Variants in ENTREP2 observed in about 807,000 individuals in gnomAD.
ENTREP2 encodes the protein protein ENTREP2.
chr15:29,199,217 C>T, the ENTREP2 span, among the ~76,000 whole-genome samples: 1 of 152,106 alleles, frequency 6.6e-6, no homozygotes, highest in South Asian at 2.1e-4. Context: ...CAGCACTGTT[C>T]GAGGGTCCCC....
chr15:29,431,776 A>G, the ENTREP2 span, among the ~76,000 whole-genome samples: 1 of 152,190 alleles, frequency 6.6e-6, no homozygotes, highest in African/African-American at 2.4e-5. Flanking sequence ...CAAAATTTAA[A>G]TAACAGTTTT....
the ENTREP2 span, among the ~76,000 whole-genome samples, chr15:29,666,824 A>G: frequency 1.3e-5 from 2 of 152,238 alleles, no homozygotes; most frequent in Admixed American, 1.3e-4. Flanking sequence ...AGTCTCTCAC[A>G]GTTCCAGAGC....
At chr15:29,128,969 TGA>T in the ENTREP2 span, 1 of 685,890 alleles carries the variant, frequency 1.5e-6, no homozygotes. Context: ...TGGGAAGCGC[TGA>T]GAGACGTTCA....
At chr15:29,164,832 A>T in the ENTREP2 span, among the ~76,000 whole-genome samples, 433 of 152,332 alleles carry the variant, frequency 2.8e-3, no homozygotes, top group Non-Finnish European at 3.8e-3. Flanking sequence ...AAATGGACTT[A>T]AAAGATATAT....
chr15:29,651,687 C>T, the ENTREP2 span, among the ~76,000 whole-genome samples: 1 of 152,232 alleles, frequency 6.6e-6, no homozygotes, highest in Non-Finnish European at 1.5e-5. Context: ...CAAGCCCAGG[C>T]ACTGTCACAG....
chr15:29,255,957 C>T, the ENTREP2 span, among the ~76,000 whole-genome samples: 7 of 148,134 alleles, frequency 4.7e-5, no homozygotes, highest in Non-Finnish European at 8.9e-5. Flanking sequence ...GCCAAGATCA[C>T]GCTACTGCAC....
chr15:29,177,748 C>T, the ENTREP2 span, among the ~76,000 whole-genome samples: 2 of 151,992 alleles, frequency 1.3e-5, no homozygotes, highest in Non-Finnish European at 2.9e-5. Context: ...CAGGCGGCAC[C>T]GGGCAGTGAG....
the ENTREP2 span, among the ~76,000 whole-genome samples, chr15:29,650,989 C>G: frequency 6.6e-6 from 1 of 152,172 alleles, no homozygotes; most frequent in Non-Finnish European, 1.5e-5. Context: ...GCATGCCAGC[C>G]TGGGCAACAG....
chr15:29,655,923 G>A, the ENTREP2 span, among the ~76,000 whole-genome samples: 2 of 151,322 alleles, frequency 1.3e-5, no homozygotes, highest in African/African-American at 4.9e-5. Flanking sequence ...TACTCAGGAT[G>A]CTGAGGCATG....
chr15:29,513,703 C>G, the ENTREP2 span, among the ~76,000 whole-genome samples: 2 of 152,156 alleles, frequency 1.3e-5, no homozygotes. Flanking sequence ...ACTCTCTGTC[C>G]CTATTCCACA....
chr15:29,226,013 C>G, the ENTREP2 span, among the ~76,000 whole-genome samples: 7 of 152,198 alleles, frequency 4.6e-5, no homozygotes, highest in African/African-American at 1.7e-4. Flanking sequence ...CACAGCCCCC[C>G]ACGTCTTTCT....
At chr15:29,577,919 G>A in the ENTREP2 span, among the ~76,000 whole-genome samples, 1 of 152,118 alleles carries the variant, frequency 6.6e-6, no homozygotes, top group African/African-American at 2.4e-5. Context: ...TAGTTGCTAG[G>A]GGCAGAGGGG....
the ENTREP2 span, among the ~76,000 whole-genome samples, chr15:29,300,058 T>C: frequency 6.7e-6 from 1 of 150,248 alleles, no homozygotes; most frequent in African/African-American, 2.5e-5. Context: ...GATAGATGAA[T>C]GGGTAGGTGG....
the ENTREP2 span, among the ~76,000 whole-genome samples, chr15:29,506,757 G>A: frequency 2.3e-3 from 345 of 152,226 alleles, 1 homozygote; most frequent in African/African-American, 8.0e-3. Context: ...CCTGAAGGAA[G>A]CACTAAATAT....
At chr15:29,666,025 T>C in the ENTREP2 span, among the ~76,000 whole-genome samples, 3 of 151,910 alleles carry the variant, frequency 2.0e-5, no homozygotes, top group South Asian at 2.1e-4. Context: ...AGCTAATTTT[T>C]TGTGTATTTT....
At chr15:29,482,080 C>A in the ENTREP2 span, among the ~76,000 whole-genome samples, 3 of 152,006 alleles carry the variant, frequency 2.0e-5, no homozygotes, top group Non-Finnish European at 1.5e-5. Flanking sequence ...TCACTGCAAT[C>A]TACACATTCC....
At chr15:29,606,304 G>A in the ENTREP2 span, among the ~76,000 whole-genome samples, 1 of 149,050 alleles carries the variant, frequency 6.7e-6, no homozygotes, top group Non-Finnish European at 1.5e-5. Flanking sequence ...GCTCAATCTC[G>A]GCTCACTGCA....
the ENTREP2 span, among the ~76,000 whole-genome samples, chr15:29,202,150 G>GTCT: frequency 1.3e-5 from 2 of 152,060 alleles, no homozygotes; most frequent in Non-Finnish European, 2.9e-5. Flanking sequence ...GGGAATTTGT[G>GTCT]TCTTCTAACT....
chr15:29,123,333 G>A, the ENTREP2 span: 15 of 1,506,340 alleles, frequency 1.0e-5, no homozygotes, highest in African/African-American at 1.4e-5. Context: ...CAGAAATGTG[G>A]CTCCTTCATA....
Sources: allele counts gnomAD v4.1 joint callset (sites outside exome capture counted in the v4.1 genomes callset), GRCh38; gene constraint gnomAD v4.1.1; transcripts MANE v1.5; gene names NCBI Gene and HGNC (gene_info 2026-07-23, HGNC 2026-07-21).